Variants in PIGB observed in about 807,000 individuals in gnomAD.
PIGB encodes phosphatidylinositol glycan anchor biosynthesis class B.
A neutral mutation model predicts 68.4 loss-of-function variants in PIGB; 58 were observed. That is an observed-to-expected ratio of 0.85 (90% confidence interval 0.69 to 1.06). PIGB has a LOEUF of 1.06. Ranked by LOEUF, PIGB falls within the 50% of genes least tolerant of loss-of-function variation. PIGB has a pLI of 0.00. For missense variants in PIGB, 634 were observed against 655.8 expected, an observed-to-expected ratio of 0.97 and a Z score of 0.36; for synonymous variants, 219 against 220.5, an observed-to-expected ratio of 0.99 and a Z score of 0.06.
rs2056046493 is a variant in PIGB at position 55,355,132 on chromosome 15, C to G, written c.1518+154C>G. ...TCTCCAGTCAAAATTAGCCCCAGTT[C>G]TGTAACTATCAAAGTATTTTACTTC... On this transcript the variant is annotated intron_variant, in intron 11 of 11. Coordinates refer to ENST00000164305, the MANE Select transcript of PIGB (RefSeq NM_004855.5). 4 of 874,476 alleles carry G rather than the reference C, an allele frequency of 4.6e-6. No homozygotes were observed. In the South Asian group the frequency reaches 6.9e-5, roughly 15 times the overall value. 54.2% of individuals were successfully genotyped at this position (874,476 alleles called of 1,614,324 possible).
intron 4 of PIGB, among the ~76,000 whole-genome samples, chr15:55,328,382 AC>A (rs1483331228): frequency 6.6e-6 from 1 of 152,030 alleles, no homozygotes. Flanking sequence ...AGTCTTAACT[AC>A]CTTTTTTATA....
At chr15:55,347,053 G>A (rs1008248713) in intron 9 of PIGB, among the ~76,000 whole-genome samples, 4 of 152,192 alleles carry the variant, frequency 2.6e-5, no homozygotes, top group Non-Finnish European at 4.4e-5. Flanking sequence ...ATGTGCACAA[G>A]TCATTTGATG....
intron 9 of PIGB, chr15:55,343,489 C>T (rs2055719542): frequency 6.6e-6 from 1 of 152,226 alleles, no homozygotes; most frequent in South Asian, 2.1e-4. Flanking sequence ...GGTTTGATTT[C>T]TGTTTTCATA....
intron 5 of PIGB, among the ~76,000 whole-genome samples, chr15:55,333,050 C>T (rs533187250): frequency 7.2e-5 from 11 of 152,150 alleles, no homozygotes; most frequent in African/African-American, 2.7e-4. Context: ...GAAAGCCTCT[C>T]TTTATGACTT....
Position 55,333,976 on chromosome 15 carries a change from G to A in PIGB, c.763G>A (p.Asp255Asn). The A allele has an allele frequency of 1.2e-6, 2 of 1,604,482 alleles. No homozygotes were observed. The highest frequency in any genetic ancestry group is 1.7e-6 in the Non-Finnish European group (2 of 1,175,844). The change falls in exon 6 of 12, where the codon GAT (aspartate) becomes AAT (asparagine). Residue 255 changes from aspartate (D) to asparagine (N), a missense_variant. By Grantham distance (23) the Asp-to-Asn change is conservative. Coordinates refer to ENST00000164305, the MANE Select transcript of PIGB (RefSeq NM_004855.5). ...RHFCQEPRKL[D>N]LILHHFLPVG... The stretch of plus-strand genomic sequence containing the variant: ...TTTCTGTCAAGAACCAAGAAAGCTT[G>A]ATCTTATTCTACATCATTTTTTACC...
chr15:55,346,051 A>G (rs977553697), intron 9 of PIGB, among the ~76,000 whole-genome samples: 2 of 152,194 alleles, frequency 1.3e-5, no homozygotes, highest in African/African-American at 4.8e-5. Context: ...TCAGCAATGT[A>G]CAGTCTCAGA....
At chr15:55,324,555 T>C (rs2055237388) in intron 3 of PIGB, among the ~76,000 whole-genome samples, 1 of 152,226 alleles carries the variant, frequency 6.6e-6, no homozygotes, top group Non-Finnish European at 1.5e-5. Flanking sequence ...TAATCATAGA[T>C]AGTATCCTCT....
Position 55,336,241 on chromosome 15 carries a change from A to G in PIGB, c.794+2234A>G, listed in dbSNP as rs563881978. Among the ~76,000 whole-genome samples, 20 of 152,218 alleles carry G rather than the reference A, an allele frequency of 1.3e-4. 1 individual carries two copies. The highest frequency in any genetic ancestry group is 4.8e-4 in the African/African-American group (20 of 41,550). ...AACAAAAAAATTTAAAAATTGGCCAAGTATAGGTGGCACTAGGCACGCCTG... is the reference window on the plus strand; with the variant it reads ...AACAAAAAAATTTAAAAATTGGCCAGGTATAGGTGGCACTAGGCACGCCTG... On this transcript the variant is annotated intron_variant, in intron 6 of 11. Coordinates refer to ENST00000164305, the MANE Select transcript of PIGB (RefSeq NM_004855.5).
chr15:55,350,690 T>C lies in PIGB; in HGVS notation c.1124-9T>C, dbSNP rs747010354. 1 of 1,567,582 alleles carries C rather than the reference T, an allele frequency of 6.4e-7. No individual in the cohort carries two copies. The highest frequency in any genetic ancestry group is 8.8e-7 in the Non-Finnish European group (1 of 1,140,184). On this transcript the variant is annotated splice_polypyrimidine_tract_variant and intron_variant, in intron 9 of 11. Coordinates refer to ENST00000164305, the MANE Select transcript of PIGB (RefSeq NM_004855.5). ...AGTGTTAAGGTTCAATATGTCTATC[T>C]TCATATAGGATACTCATTAACCCAC...
At chr15:55,354,256 T>C (rs2056011873) in intron 10 of PIGB, among the ~76,000 whole-genome samples, 1 of 151,562 alleles carries the variant, frequency 6.6e-6, no homozygotes, top group South Asian at 2.1e-4. Context: ...TGCAGTGAGC[T>C]GAGATTGCGC....
rs1313067499 is a variant in PIGB at position 55,319,229 on chromosome 15, C to G, written c.-22C>G. On this transcript the variant is annotated 5_prime_UTR_variant, in exon 1 of 12. Coordinates refer to ENST00000164305, the MANE Select transcript of PIGB (RefSeq NM_004855.5). ...GCGCGCTACTGCAGCTTTCTTCCGC[C>G]TTAGGAAGGTGGCGGCCAGGGATGA... The G allele has an allele frequency of 6.3e-7, 1 of 1,595,530 alleles. No homozygotes were observed. Among genetic ancestry groups the G allele is most frequent in the African/African-American group, 1.3e-5 (1 of 74,790 alleles).
At chr15:55,339,646 C>A (rs2055617762) in intron 7 of PIGB, among the ~76,000 whole-genome samples, 1 of 152,194 alleles carries the variant, frequency 6.6e-6, no homozygotes, top group South Asian at 2.1e-4. Flanking sequence ...GGTAATATGT[C>A]ACATTGTAAA....
chr15:55,330,225 G>A (rs1435876037), intron 5 of PIGB, among the ~76,000 whole-genome samples: 1 of 152,142 alleles, frequency 6.6e-6, no homozygotes, highest in Non-Finnish European at 1.5e-5. Context: ...AGCAGGGACA[G>A]GCACAGCCAG....
Position 55,353,607 on chromosome 15 carries a change from CTTTTT to C in PIGB, c.1338-1187_1338-1183del, listed in dbSNP as rs893307832. 3.9e-5 allele frequency among the ~76,000 whole-genome samples: 6 copies of C among 151,914 alleles called. No homozygotes were observed. In the South Asian group the frequency reaches 1.2e-3, roughly 32 times the overall value. ...GAATCCATCTTTTTTATACTCTAAT[CTTTTT>C]TTTGTTTTGAGACAGACTCTTGCTC... On this transcript the variant is annotated intron_variant, in intron 10 of 11. Coordinates refer to ENST00000164305, the MANE Select transcript of PIGB (RefSeq NM_004855.5).
At chr15:55,319,647 G>T in intron 1 of PIGB, 1 of 407,452 alleles carries the variant, frequency 2.5e-6, no homozygotes, top group Non-Finnish European at 4.4e-6. Context: ...GTCCATTTGT[G>T]GTCAAGAGCA....
In PIGB at chr15:55,350,872, A is replaced by G. The variant is rs751047841; in HGVS notation, c.1297A>G (p.Ile433Val). 2 of 1,604,524 alleles carry G rather than the reference A, an allele frequency of 1.2e-6. No individual in the cohort carries two copies. The highest frequency in any genetic ancestry group is 2.2e-5 in the East Asian group (1 of 44,752). Residue 433 changes from isoleucine (I) to valine (V), a missense_variant, in exon 10 of 12, where the codon ATA becomes GTA. Ile to Val is a conservative substitution (Grantham distance 29, BLOSUM62 3). Transcript: ENST00000164305. The part of the protein sequence containing the change: ...YNNPNKSSAS[I>V]FIMMPCHSTP... ...CAATCCCAATAAATCTTCAGCTTCA[A>G]TATTTATAATGATGCCTTGCCACTC...
At chr15:55,322,966 T>C (rs1236540334) in intron 3 of PIGB, among the ~76,000 whole-genome samples, 3 of 152,138 alleles carry the variant, frequency 2.0e-5, no homozygotes, top group Admixed American at 1.3e-4. Flanking sequence ...GTCTTCAAGA[T>C]AGAAAAATTT....
chr15:55,327,618 G>C lies in PIGB; in HGVS notation c.505G>C (p.Glu169Gln). 1 of 1,605,752 alleles carries C rather than the reference G, an allele frequency of 6.2e-7. No individual in the cohort carries two copies. Among genetic ancestry groups the C allele is most frequent in the Non-Finnish European group, 8.5e-7 (1 of 1,173,804 alleles). Reference sequence around the variant, plus strand: ...ATTAATGAAGCAACTAGAAAATCAGGAAGTGGCAAGATGGGTGGTAAGTCC... The same window carrying C: ...ATTAATGAAGCAACTAGAAAATCAGCAAGTGGCAAGATGGGTGGTAAGTCC... ...YSLMKQLENQEVARWVFFCQL... is the reference protein window; with the variant it reads ...YSLMKQLENQQVARWVFFCQL... Residue 169 changes from glutamate to glutamine, a missense_variant, in exon 4 of 12, where the codon GAA becomes CAA. Coordinates refer to ENST00000164305, the MANE Select transcript of PIGB (RefSeq NM_004855.5).
chr15:55,334,415 G>T (rs1215676245), intron 6 of PIGB, among the ~76,000 whole-genome samples: 1 of 152,060 alleles, frequency 6.6e-6, no homozygotes, highest in Non-Finnish European at 1.5e-5. Context: ...CAGGAGGCTC[G>T]CAGAAATTTA....
Sources: allele counts gnomAD v4.1 joint callset (sites outside exome capture counted in the v4.1 genomes callset), GRCh38; gene constraint gnomAD v4.1.1; transcripts MANE v1.5; gene names NCBI Gene and HGNC (gene_info 2026-07-23, HGNC 2026-07-21).